RNF217: variants seen among roughly 807,000 people sequenced by gnomAD.
RNF217 encodes the protein ring finger protein 217.
Under a neutral mutation model 57.8 loss-of-function variants are expected in RNF217, and 31 were observed. The ratio of observed to expected loss-of-function variants is 0.54; its 90% CI spans 0.40 to 0.72. The LOEUF is 0.72. Among genes scored for constraint, RNF217 ranks in the 30% least tolerant of loss-of-function variants. RNF217 has a pLI of 0.00. For synonymous variants in RNF217, 313 were observed against 294.0 expected, an observed-to-expected ratio of 1.06 and a Z score of -0.66; for missense variants, 696 against 708.3, an observed-to-expected ratio of 0.98 and a Z score of 0.20.
intron 1 of RNF217, among the ~76,000 whole-genome samples, chr6:125,010,377 T>A (rs144026718): frequency 8.5e-5 from 13 of 152,334 alleles, no homozygotes; most frequent in African/African-American, 2.9e-4. Context: ...GCTTTTTAGG[T>A]ATAATGCATG....
chr6:124,963,132 C>G lies in RNF217; in HGVS notation c.588C>G (p.Asn196Lys). ...CACCTGGGGCTCCGCCAGTGTTGAA[C>G]CCTCCCAGCACCCGCTCTTCCTTCC... ...ASPPGAPPVL[N>K]PPSTRSSFPS... The change falls in exon 1 of 6, where the codon AAC becomes AAG. Residue 196 changes from asparagine (N) to lysine (K), a missense_variant. Asn to Lys is a moderately conservative substitution (Grantham distance 94, BLOSUM62 0). Coordinates refer to ENST00000521654, the MANE Select transcript of RNF217 (RefSeq NM_001286398.3). The G allele has an allele frequency of 6.5e-7, 1 of 1,534,704 alleles. No homozygotes were observed. Among genetic ancestry groups the G allele is most frequent in the Non-Finnish European group, 8.7e-7 (1 of 1,146,350 alleles).
chr6:125,077,734 T>C (rs893996299), intron 4 of RNF217, among the ~76,000 whole-genome samples: 2 of 152,210 alleles, frequency 1.3e-5, no homozygotes, highest in African/African-American at 4.8e-5. Context: ...TTAGAATTCC[T>C]TTTCTGGCCG....
chr6:125,018,385 G>T, intron 1 of RNF217, among the ~76,000 whole-genome samples: 1 of 152,242 alleles, frequency 6.6e-6, no homozygotes, highest in Non-Finnish European at 1.5e-5. Flanking sequence ...CTTTAGTTTT[G>T]CAACAGAATG....
At chr6:125,001,141 G>A (rs1784966305) in intron 1 of RNF217, among the ~76,000 whole-genome samples, 1 of 152,086 alleles carries the variant, frequency 6.6e-6, no homozygotes, top group South Asian at 2.1e-4. Flanking sequence ...TGATTTATGA[G>A]GCTTTTCTTA....
intron 1 of RNF217, among the ~76,000 whole-genome samples, chr6:125,017,245 A>G (rs1287041698): frequency 6.6e-6 from 1 of 152,194 alleles, no homozygotes; most frequent in African/African-American, 2.4e-5. Flanking sequence ...CTCTTGCCCA[A>G]TGAGTTACTA....
chr6:124,971,804 GT>G (rs1170502993), intron 1 of RNF217, among the ~76,000 whole-genome samples: 12 of 152,164 alleles, frequency 7.9e-5, no homozygotes, highest in African/African-American at 2.9e-4. Flanking sequence ...TTCTTCCTAA[GT>G]TTCTGGTCAT....
In RNF217 at chr6:125,083,561, A is replaced by T. The variant is rs1279768329; in HGVS notation, c.*624A>T. The T allele has an allele frequency of 1.3e-5, 2 of 152,122 alleles. No individual in the cohort carries two copies. The highest frequency in any genetic ancestry group is 2.9e-5 in the Non-Finnish European group (2 of 68,014). 9.4% of individuals were successfully genotyped at this position (152,122 alleles called of 1,614,324 possible). A position where few individuals can be genotyped will look rare whatever the true frequency, so the allele number is the denominator to read the frequency against. The stretch of plus-strand genomic sequence containing the variant: ...TGCGTAGGGGCGTGAATGTGTGTGT[A>T]TATAAATATGTATTAAAACTAGGCC... On this transcript the variant is annotated 3_prime_UTR_variant, in exon 6 of 6. Coordinates refer to ENST00000521654, the MANE Select transcript of RNF217 (RefSeq NM_001286398.3).
intron 1 of RNF217, among the ~76,000 whole-genome samples, chr6:124,995,620 C>T (rs913225595): frequency 2.0e-5 from 3 of 152,010 alleles, no homozygotes; most frequent in Non-Finnish European, 4.4e-5. Context: ...TTACACTTTG[C>T]CTATTGAAAA....
chr6:125,008,977 C>T (rs1308976210), intron 1 of RNF217: 4 of 258,330 alleles, frequency 1.5e-5, no homozygotes, highest in African/African-American at 2.2e-5. Flanking sequence ...AAATGTGTTT[C>T]CCCTGGTTTA....
intron 2 of RNF217, among the ~76,000 whole-genome samples, chr6:125,047,178 A>G (rs1332474091): frequency 2.0e-5 from 3 of 152,126 alleles, no homozygotes; most frequent in Non-Finnish European, 4.4e-5. Context: ...TTAGATACAT[A>G]GAAACTGAGA....
chr6:125,038,639 T>A (rs1786745249), intron 1 of RNF217, among the ~76,000 whole-genome samples: 1 of 152,160 alleles, frequency 6.6e-6, no homozygotes, highest in African/African-American at 2.4e-5. Flanking sequence ...GGGTAAATAT[T>A]AAATGAATTA....
At chr6:125,079,208 A>G (rs1788484707) in intron 4 of RNF217, among the ~76,000 whole-genome samples, 1 of 152,180 alleles carries the variant, frequency 6.6e-6, no homozygotes, top group Non-Finnish European at 1.5e-5. Flanking sequence ...GCAGCCTCTG[A>G]CATAGGGGCA....
intron 1 of RNF217, among the ~76,000 whole-genome samples, chr6:124,969,370 T>C (rs1783674056): frequency 6.6e-6 from 1 of 152,342 alleles, no homozygotes; most frequent in South Asian, 2.1e-4. Context: ...TTTATTTTTT[T>C]CAAATTCAGT....
intron 1 of RNF217, among the ~76,000 whole-genome samples, chr6:125,036,523 G>T (rs994744588): frequency 1.3e-5 from 2 of 152,180 alleles, no homozygotes; most frequent in South Asian, 4.1e-4. Flanking sequence ...TTGACAAATG[G>T]GATCTAATTA....
intron 1 of RNF217, among the ~76,000 whole-genome samples, chr6:124,966,295 G>C (rs532866977): frequency 3.5e-4 from 53 of 152,204 alleles, no homozygotes; most frequent in African/African-American, 1.3e-3. Context: ...ACCTCTCTAT[G>C]CCTTAATTTC....
At chr6:124,969,808 A>T (rs1259404736) in intron 1 of RNF217, among the ~76,000 whole-genome samples, 1 of 152,178 alleles carries the variant, frequency 6.6e-6, no homozygotes, top group Non-Finnish European at 1.5e-5. Flanking sequence ...GCAATGGAGA[A>T]GGAGAAATAA....
In RNF217 at chr6:125,085,195, T is replaced by A. The variant is rs1294863892; in HGVS notation, c.*2258T>A. On this transcript the variant is annotated 3_prime_UTR_variant, in exon 6 of 6. Coordinates refer to ENST00000521654, the MANE Select transcript of RNF217 (RefSeq NM_001286398.3). The stretch of plus-strand genomic sequence containing the variant: ...ACTCAGGGATTTTTATTTCTTTAAA[T>A]AACTTATCTTTTGGACATATTTTTA... 4 of 151,966 alleles carry A rather than the reference T, an allele frequency of 2.6e-5. No homozygotes were observed. Among genetic ancestry groups the A allele is most frequent in the African/African-American group, 9.7e-5 (4 of 41,446 alleles). The allele number at this position is 151,966 out of a possible 1,614,324, so 9.4% of individuals were successfully genotyped here.
At chr6:124,969,871 G>A (rs1043315129) in intron 1 of RNF217, among the ~76,000 whole-genome samples, 2 of 152,098 alleles carry the variant, frequency 1.3e-5, no homozygotes, top group African/African-American at 4.8e-5. Flanking sequence ...TAGTTTTGGG[G>A]GGGTTGTCAT....
intron 1 of RNF217, among the ~76,000 whole-genome samples, chr6:124,965,796 C>T (rs1248948009): frequency 6.6e-6 from 1 of 152,088 alleles, no homozygotes; most frequent in African/African-American, 2.4e-5. Context: ...AAAATTGAGC[C>T]TCACCCCACG....
Sources: allele counts gnomAD v4.1 joint callset (sites outside exome capture counted in the v4.1 genomes callset), GRCh38; gene constraint gnomAD v4.1.1; transcripts MANE v1.5; gene names NCBI Gene and HGNC (gene_info 2026-07-23, HGNC 2026-07-21).